Variants in CCSER1 observed in about 807,000 individuals in gnomAD.
The protein encoded by CCSER1 is serine-rich coiled-coil domain-containing protein 1.
A neutral mutation model predicts 82.0 loss-of-function variants in CCSER1; 41 were observed. That is an observed-to-expected ratio of 0.50 (90% confidence interval 0.39 to 0.65). The LOEUF is 0.65. Ranked by LOEUF, CCSER1 falls within the 30% of genes least tolerant of loss-of-function variation. The pLI, the probability that CCSER1 is intolerant of heterozygous loss-of-function variation, is 0.00. For synonymous variants in CCSER1, 414 were observed against 383.9 expected (o/e 1.08, Z -0.92); for missense variants, 1,119 against 1,064.2 (o/e 1.05, Z -0.72).
chr4:90,354,271 G>T (rs1744024637), intron 3 of CCSER1, among the ~76,000 whole-genome samples: 1 of 152,132 alleles, frequency 6.6e-6, no homozygotes, highest in Admixed American at 6.5e-5. Flanking sequence ...AGAGTAAACA[G>T]TGTTTACCAG....
chr4:90,701,008 T>C (rs565143566), intron 6 of CCSER1, among the ~76,000 whole-genome samples: 12 of 152,308 alleles, frequency 7.9e-5, no homozygotes, highest in Admixed American at 7.2e-4. Flanking sequence ...TTTGTCAATT[T>C]TGGCTTTTGT....
chr4:90,276,324 T>C (rs11931109), intron 1 of CCSER1, among the ~76,000 whole-genome samples: 38 of 143,164 alleles, frequency 2.7e-4, no homozygotes, highest in South Asian at 4.4e-4. Context: ...TCTTTTTCTT[T>C]CTTTCTTTCT....
intron 10 of CCSER1, among the ~76,000 whole-genome samples, chr4:91,182,731 C>G (rs2149032908): frequency 6.6e-6 from 1 of 152,338 alleles, no homozygotes; most frequent in East Asian, 1.9e-4. Flanking sequence ...AGGCGGAAGA[C>G]TCTCCTATTT....
intron 10 of CCSER1, among the ~76,000 whole-genome samples, chr4:91,149,117 A>G (rs1729861428): frequency 6.6e-6 from 1 of 152,140 alleles, no homozygotes; most frequent in African/African-American, 2.4e-5. Context: ...AAGTGTTCCT[A>G]TTCCTCCACA....
At chr4:90,626,134 C>T (rs1425781265) in intron 5 of CCSER1, among the ~76,000 whole-genome samples, 2 of 152,122 alleles carry the variant, frequency 1.3e-5, no homozygotes, top group African/African-American at 4.8e-5. Flanking sequence ...CATAACAATT[C>T]ACAATACAGA....
intron 8 of CCSER1, among the ~76,000 whole-genome samples, chr4:90,912,778 T>C (rs1225488751): frequency 6.6e-6 from 1 of 151,976 alleles, no homozygotes; most frequent in African/African-American, 2.4e-5. Context: ...ATAACCAGTG[T>C]AGAGAAGTCC....
chr4:90,627,932 T>C, intron 5 of CCSER1, 93 bp from the exon 6 acceptor site: 1 of 912,350 alleles, frequency 1.1e-6, no homozygotes. Context: ...AGAAATACTT[T>C]CTAGGATACT....
chr4:90,544,024 C>G lies in CCSER1; in HGVS notation c.1724+75670C>G, dbSNP rs111571074. Among the ~76,000 whole-genome samples the G allele has an allele frequency of 3.4e-3, 511 of 152,146 alleles. 3 individuals carry two copies. The highest frequency in any genetic ancestry group is 0.012 in the African/African-American group (487 of 41,506). ...AGACAAGAGTTTCTTCCAGTAAAAG[C>G]AGCAGTCGAAGTAACATTGTAATGC... On this transcript the variant is annotated intron_variant, in intron 5 of 10. Coordinates refer to ENST00000509176, the MANE Select transcript of CCSER1 (RefSeq NM_001145065.2).
Position 91,557,009 on chromosome 4 carries a change from C to G in CCSER1, c.2218-41563C>G, listed in dbSNP as rs1762436762. Among the ~76,000 whole-genome samples, 2 of 150,958 alleles carry G rather than the reference C, an allele frequency of 1.3e-5. 1 individual carries two copies. The highest frequency in any genetic ancestry group is 3.0e-5 in the Non-Finnish European group (2 of 67,446). ...AAATAGTTTTCTTTATCCCTACTGG[C>G]TCTATTAAATGGCAAGAAAATAAAT... On this transcript the variant is annotated intron_variant, in intron 10 of 10. Coordinates refer to ENST00000509176, the MANE Select transcript of CCSER1 (RefSeq NM_001145065.2).
At chr4:91,170,618 A>T (rs547824947) in intron 10 of CCSER1, among the ~76,000 whole-genome samples, 22 of 152,308 alleles carry the variant, frequency 1.4e-4, no homozygotes, top group Non-Finnish European at 2.6e-4. Context: ...GAAGTTTATT[A>T]TTCATGTTTT....
chr4:91,188,080 A>T (rs1167244636), intron 10 of CCSER1, among the ~76,000 whole-genome samples: 4 of 151,980 alleles, frequency 2.6e-5, no homozygotes, highest in Non-Finnish European at 5.9e-5. Context: ...AAAAGGAACA[A>T]TTATAAATAA....
chr4:90,814,769 T>A (rs890768877), intron 7 of CCSER1, among the ~76,000 whole-genome samples: 11 of 152,192 alleles, frequency 7.2e-5, no homozygotes, highest in African/African-American at 2.7e-4. Flanking sequence ...TCCCAATAAG[T>A]TCCTTATCTT....
At chr4:91,202,812 C>CTCACATATATA (rs1553911607) in intron 10 of CCSER1, among the ~76,000 whole-genome samples, 8 of 151,068 alleles carry the variant, frequency 5.3e-5, no homozygotes, top group South Asian at 2.1e-4. Flanking sequence ...GATATACACA[C>CTCACATATATA]TGTCTTTTTA....
At chr4:91,551,494 A>G (rs1762154616) in intron 10 of CCSER1, among the ~76,000 whole-genome samples, 1 of 152,136 alleles carries the variant, frequency 6.6e-6, no homozygotes. Flanking sequence ...TTGTAGGTAA[A>G]GTTGAAAACC....
At chr4:90,177,504 C>T (rs951063565) in intron 1 of CCSER1, among the ~76,000 whole-genome samples, 7 of 152,072 alleles carry the variant, frequency 4.6e-5, no homozygotes, top group Non-Finnish European at 1.0e-4. Flanking sequence ...TGATGGCGTA[C>T]ACTTAGAGAC....
At chr4:90,887,659 A>G (rs538731488) in intron 8 of CCSER1, among the ~76,000 whole-genome samples, 1 of 152,292 alleles carries the variant, frequency 6.6e-6, no homozygotes, top group East Asian at 1.9e-4. Flanking sequence ...CAAGGCAGGC[A>G]GATCACGAGG....
intron 10 of CCSER1, among the ~76,000 whole-genome samples, chr4:91,128,761 G>A (rs1410357437): frequency 6.6e-6 from 1 of 152,020 alleles, no homozygotes; most frequent in Non-Finnish European, 1.5e-5. Context: ...AGCAGGCTAA[G>A]GGGAAAGTGG....
At chr4:90,905,613 C>T (rs1373715033) in intron 8 of CCSER1, among the ~76,000 whole-genome samples, 1 of 152,072 alleles carries the variant, frequency 6.6e-6, no homozygotes, top group Admixed American at 6.6e-5. Flanking sequence ...CAAAATTTGT[C>T]GTTTTTTACC....
chr4:91,163,516 A>G (rs1416600253), intron 10 of CCSER1, among the ~76,000 whole-genome samples: 1 of 152,184 alleles, frequency 6.6e-6, no homozygotes, highest in Non-Finnish European at 1.5e-5. Context: ...GATCTGCCTA[A>G]TAGTGACAGT....
Sources: gnomAD v4.1 joint callset for allele counts (sites outside exome capture counted in the v4.1 genomes callset) on GRCh38, gnomAD v4.1.1 for gene constraint, MANE v1.5 for transcripts, NCBI Gene and HGNC (gene_info 2026-07-23, HGNC 2026-07-21) for gene names.